IL16: variants seen among roughly 807,000 people sequenced by gnomAD.
IL16 encodes the protein interleukin 16.
In IL16, 67 loss-of-function variants were observed where a neutral mutation model predicts 110.1. That is an observed-to-expected ratio of 0.61 (90% CI 0.50 to 0.75). The LOEUF (loss-of-function observed/expected upper bound fraction) is 0.75. Among genes scored for constraint, IL16 ranks in the 30% least tolerant of loss-of-function variants. The pLI, the probability that IL16 is intolerant of heterozygous loss-of-function variation, is 0.00. For missense variants in IL16, 1,545 were observed against 1,655.0 expected (o/e 0.93, Z 1.15); for synonymous variants, 689 against 662.9 (o/e 1.04, Z -0.61).
At chr15:81,251,709 A>G (rs1346824175) in intron 2 of IL16, among the ~76,000 whole-genome samples, 3 of 152,222 alleles carry the variant, frequency 2.0e-5, no homozygotes, top group African/African-American at 4.8e-5. Context: ...CTTGATAGTC[A>G]TTGCATATAT....
intron 1 of IL16, among the ~76,000 whole-genome samples, chr15:81,209,241 AG>A (rs1038723929): frequency 4.6e-5 from 7 of 152,182 alleles, no homozygotes; most frequent in Admixed American, 4.6e-4. Context: ...AAGACATGTC[AG>A]GGAAATCATG....
chr15:81,288,937 T>C (rs1899582648), intron 10 of IL16, among the ~76,000 whole-genome samples: 1 of 152,148 alleles, frequency 6.6e-6, no homozygotes, highest in African/African-American at 2.4e-5. Context: ...AATGCTACAA[T>C]GAACGTGGAG....
At chr15:81,250,814 T>C (rs1897743393) in intron 2 of IL16, among the ~76,000 whole-genome samples, 1 of 152,230 alleles carries the variant, frequency 6.6e-6, no homozygotes, top group South Asian at 2.1e-4. Flanking sequence ...TTAATTGTTT[T>C]TATGCATTTC....
chr15:81,196,933 A>G lies in IL16; in HGVS notation c.-321A>G. On this transcript the variant is annotated 5_prime_UTR_variant, in exon 1 of 19. Coordinates refer to ENST00000683961, the MANE Select transcript of IL16 (RefSeq NM_172217.5). Reference sequence around the variant, plus strand: ...AGGTGGTGAATATTGTGTCCTACTCACGGCATCTCAACTATCGGAGCCTGG... The same window carrying G: ...AGGTGGTGAATATTGTGTCCTACTCGCGGCATCTCAACTATCGGAGCCTGG... 8.0e-7 allele frequency: 1 copy of G among 1,252,052 alleles called. No homozygotes were observed. The highest frequency in any genetic ancestry group is 1.3e-5 in the South Asian group (1 of 75,478). 77.6% of individuals were successfully genotyped at this position (1,252,052 alleles called of 1,614,324 possible).
chr15:81,260,718 C>G, intron 3 of IL16, among the ~76,000 whole-genome samples: 1 of 152,216 alleles, frequency 6.6e-6, no homozygotes, highest in East Asian at 1.9e-4. Context: ...GCACTTGGAT[C>G]TGGGTCCCGC....
At chr15:81,221,031 C>T (rs886665804) in intron 1 of IL16, among the ~76,000 whole-genome samples, 22 of 151,748 alleles carry the variant, frequency 1.4e-4, no homozygotes, top group Admixed American at 1.1e-3. Context: ...GTCAGTCCTG[C>T]CCCACTTTTT....
At chr15:81,242,236 A>G (rs1413506560) in intron 2 of IL16, among the ~76,000 whole-genome samples, 3 of 152,174 alleles carry the variant, frequency 2.0e-5, no homozygotes, top group Non-Finnish European at 2.9e-5. Flanking sequence ...TTGCATTTAC[A>G]TATAAATTTT....
intron 14 of IL16, 143 bp downstream of exon 14, chr15:81,300,618 T>C (rs1900235724): frequency 3.5e-6 from 2 of 569,470 alleles, no homozygotes; most frequent in Non-Finnish European, 5.9e-6. Context: ...TCTTTCCATG[T>C]GTGTGCAGAT....
At chr15:81,184,797 T>C (rs1895394769) in intron 1 of IL16, among the ~76,000 whole-genome samples, 1 of 152,238 alleles carries the variant, frequency 6.6e-6, no homozygotes, top group Non-Finnish European at 1.5e-5. Context: ...TTTCCATATC[T>C]GGGACTCAGT....
At chr15:81,286,081 G>A (rs1009666615) in intron 10 of IL16, among the ~76,000 whole-genome samples, 1 of 152,202 alleles carries the variant, frequency 6.6e-6, no homozygotes, top group African/African-American at 2.4e-5. Flanking sequence ...GGGCAGGAAA[G>A]TAGAGACCCA....
chr15:81,308,718 C>T lies in IL16; in HGVS notation c.3919C>T (p.Leu1307=). ...RFEAWNIIKA[L]PDGPVTIVIR... is the part of the protein sequence containing the mutation. ...TGAAGCCTGGAACATCATCAAGGCA[C>T]TGCCTGATGGACCTGTCACGATTGT... Residue 1307 remains leucine (L), a synonymous_variant, in exon 19 of 19, where the codon CTG becomes TTG. Transcript: ENST00000683961. The T allele has an allele frequency of 1.2e-6, 2 of 1,613,982 alleles. No individual in the cohort carries two copies. Among genetic ancestry groups the T allele is most frequent in the Non-Finnish European group, 8.5e-7 (1 of 1,179,818 alleles).
chr15:81,216,545 C>A (rs1050094793), intron 1 of IL16, among the ~76,000 whole-genome samples: 5 of 152,122 alleles, frequency 3.3e-5, no homozygotes, highest in African/African-American at 7.2e-5. Flanking sequence ...TCAGTGGGAG[C>A]AACACATCCT....
intron 2 of IL16, among the ~76,000 whole-genome samples, chr15:81,238,138 G>A (rs11856932): frequency 0.027 from 4,029 of 152,024 alleles, 158 homozygotes; most frequent in African/African-American, 0.091. Context: ...TCCTGACCTC[G>A]TGATCCACCC....
intron 8 of IL16, among the ~76,000 whole-genome samples, chr15:81,281,410 G>GA (rs1900817558): frequency 1.3e-5 from 2 of 152,144 alleles, no homozygotes; most frequent in Admixed American, 1.3e-4. Flanking sequence ...CACACTGGGG[G>GA]ATCCCATCCA....
intron 1 of IL16, among the ~76,000 whole-genome samples, chr15:81,220,464 C>A (rs970110200): frequency 2.0e-5 from 3 of 152,134 alleles, no homozygotes; most frequent in Non-Finnish European, 4.4e-5. Flanking sequence ...CTAAGATATT[C>A]TTTTAGAAAG....
intron 10 of IL16, chr15:81,290,022 A>G (rs893972658): frequency 2.7e-6 from 1 of 376,014 alleles, no homozygotes; most frequent in African/African-American, 2.1e-5. Flanking sequence ...ACTCTTAACT[A>G]TTACTCCAAA....
intron 1 of IL16, among the ~76,000 whole-genome samples, chr15:81,207,659 G>T (rs1404587373): frequency 2.0e-5 from 3 of 152,062 alleles, no homozygotes; most frequent in African/African-American, 4.8e-5. Context: ...TTAGAATTAT[G>T]TGTGGTCTCT....
At chr15:81,249,845 A>G (rs1461073778) in intron 2 of IL16, among the ~76,000 whole-genome samples, 3 of 151,550 alleles carry the variant, frequency 2.0e-5, no homozygotes, top group Non-Finnish European at 4.4e-5. Flanking sequence ...ATGTTTCTTT[A>G]CCTCTCTTTT....
At chr15:81,225,863 G>A in intron 2 of IL16, 152 bp downstream of exon 2, 1 of 684,150 alleles carries the variant, frequency 1.5e-6, no homozygotes, top group South Asian at 2.0e-5. Flanking sequence ...GGGCCCACTG[G>A]AACTGTAACA....
Sources: gnomAD v4.1 joint callset for allele counts (sites outside exome capture counted in the v4.1 genomes callset) on GRCh38, gnomAD v4.1.1 for gene constraint, MANE v1.5 for transcripts, NCBI Gene and HGNC (gene_info 2026-07-23, HGNC 2026-07-21) for gene names.